DCC: variants seen among roughly 807,000 people sequenced by gnomAD.
The protein encoded by DCC is netrin receptor DCC.
DCC carries 58 observed loss-of-function variants against 172.5 expected under a neutral mutation model. That is an observed-to-expected ratio of 0.34 (90% CI 0.27 to 0.42). DCC has a LOEUF of 0.42. Among genes scored for constraint, DCC ranks in the 10% least tolerant of loss-of-function variants. The probability of loss-of-function intolerance (pLI) is 1.00; values close to 1 mark genes in which losing one functional copy is unlikely to be tolerated. For missense variants in DCC, 1,740 were observed against 1,791.0 expected (o/e 0.97, Z 0.51); for synonymous variants, 709 against 644.5 (o/e 1.10, Z -1.52).
At chr18:52,818,373 C>G (rs757881299) in intron 2 of DCC, among the ~76,000 whole-genome samples, 1 of 143,230 alleles carries the variant, frequency 7.0e-6, no homozygotes, top group Non-Finnish European at 1.5e-5. Context: ...GTCTGTGCCA[C>G]TGTACTCCAG....
intron 2 of DCC, among the ~76,000 whole-genome samples, chr18:52,900,498 T>C (rs1483374583): frequency 1.3e-5 from 2 of 152,192 alleles, no homozygotes; most frequent in Admixed American, 1.3e-4. Flanking sequence ...ATTAGAATTG[T>C]TGACATCAAT....
chr18:53,485,265 T>C (rs975132918), intron 25 of DCC, among the ~76,000 whole-genome samples: 9 of 152,084 alleles, frequency 5.9e-5, no homozygotes, highest in Admixed American at 2.0e-4. Flanking sequence ...CATAAACCTC[T>C]AATATACACA....
intron 1 of DCC, among the ~76,000 whole-genome samples, chr18:52,433,638 T>C (rs888545413): frequency 6.6e-6 from 1 of 152,190 alleles, no homozygotes; most frequent in Non-Finnish European, 1.5e-5. Flanking sequence ...TTGTAGTTGA[T>C]GAAAAAACAA....
intron 2 of DCC, among the ~76,000 whole-genome samples, chr18:52,847,950 A>G (rs1220451174): frequency 6.6e-6 from 1 of 152,186 alleles, no homozygotes; most frequent in Non-Finnish European, 1.5e-5. Flanking sequence ...AGTTGTATGA[A>G]TTGACATCAG....
At chr18:53,233,265 C>T (rs1413766567) in intron 12 of DCC, among the ~76,000 whole-genome samples, 2 of 152,180 alleles carry the variant, frequency 1.3e-5, no homozygotes, top group African/African-American at 4.8e-5. Context: ...ATCCAATTCA[C>T]CTGTAGTGTC....
intron 8 of DCC, among the ~76,000 whole-genome samples, chr18:53,166,472 A>T (rs912336457): frequency 1.3e-5 from 2 of 152,152 alleles, no homozygotes; most frequent in East Asian, 3.9e-4. Flanking sequence ...AGAAAACAGA[A>T]TGATAAAAGA....
At chr18:53,202,002 A>G (rs1400358009) in intron 9 of DCC, among the ~76,000 whole-genome samples, 2 of 152,202 alleles carry the variant, frequency 1.3e-5, no homozygotes, top group African/African-American at 4.8e-5. Flanking sequence ...CTGTCTGTGT[A>G]TATGTATATA....
intron 12 of DCC, among the ~76,000 whole-genome samples, chr18:53,278,993 T>C (rs989401001): frequency 2.0e-5 from 3 of 152,152 alleles, no homozygotes; most frequent in Non-Finnish European, 4.4e-5. Flanking sequence ...CCACACTGAC[T>C]TCCACAATGG....
intron 2 of DCC, among the ~76,000 whole-genome samples, chr18:52,758,358 A>G (rs2037108872): frequency 6.6e-6 from 1 of 152,232 alleles, no homozygotes; most frequent in Non-Finnish European, 1.5e-5. Flanking sequence ...ATAAAAGGCC[A>G]ACTAAATTGC....
chr18:53,309,166 C>T (rs1419633431), intron 13 of DCC, among the ~76,000 whole-genome samples: 1 of 152,140 alleles, frequency 6.6e-6, no homozygotes, highest in East Asian at 1.9e-4. Context: ...GCCTACGGAG[C>T]AGCTGGGACT....
intron 25 of DCC, among the ~76,000 whole-genome samples, chr18:53,468,411 C>A (rs959244330): frequency 7.0e-5 from 2 of 28,626 alleles, no homozygotes; most frequent in African/African-American, 1.7e-4. Flanking sequence ...GAGACAGAAT[C>A]TTGCTGTGTT....
chr18:52,742,827 C>A (rs536647884), intron 1 of DCC, among the ~76,000 whole-genome samples: 1 of 151,876 alleles, frequency 6.6e-6, no homozygotes, highest in Non-Finnish European at 1.5e-5. Flanking sequence ...TAAGAATGGG[C>A]GTAGAAGGAT....
intron 27 of DCC, among the ~76,000 whole-genome samples, chr18:53,523,786 T>C (rs941590267): frequency 6.6e-6 from 1 of 151,866 alleles, no homozygotes; most frequent in African/African-American, 2.4e-5. Context: ...AGGGATAGCA[T>C]TAGGACAACT....
chr18:53,066,353 G>GTATGTATATATATATATATATATA (rs1202896480), intron 7 of DCC, among the ~76,000 whole-genome samples, 187 bp downstream of exon 7: 3 of 94,608 alleles, frequency 3.2e-5, no homozygotes, highest in Non-Finnish European at 6.7e-5. Context: ...GTACATGTGT[G>GTATGTATATATATATATATATATA]TATATATATA....
intron 1 of DCC, among the ~76,000 whole-genome samples, chr18:52,713,617 T>C (rs1278901517): frequency 2.0e-5 from 3 of 152,140 alleles, no homozygotes; most frequent in Non-Finnish European, 2.9e-5. Context: ...CTTAATTGCA[T>C]CCGTGATTGA....
intron 21 of DCC, among the ~76,000 whole-genome samples, chr18:53,433,117 A>G (rs1021827378): frequency 1.3e-5 from 2 of 152,126 alleles, no homozygotes; most frequent in Admixed American, 1.3e-4. Context: ...CTGTGAGTAG[A>G]ATGTCCAAGC....
intron 7 of DCC, among the ~76,000 whole-genome samples, chr18:53,113,128 A>G (rs2043357952): frequency 6.6e-6 from 1 of 151,592 alleles, no homozygotes; most frequent in Non-Finnish European, 1.5e-5. Flanking sequence ...TGAATCCACC[A>G]AATAACACAT....
intron 5 of DCC, among the ~76,000 whole-genome samples, chr18:52,945,346 A>G (rs914678801): frequency 5.3e-5 from 8 of 152,194 alleles, no homozygotes; most frequent in African/African-American, 1.9e-4. Context: ...CAAATTTAAT[A>G]GTGAAAATAT....
intron 5 of DCC, among the ~76,000 whole-genome samples, chr18:53,003,327 C>G (rs2041595347): frequency 6.6e-6 from 1 of 152,146 alleles, no homozygotes; most frequent in African/African-American, 2.4e-5. Context: ...TAAGAGGTCC[C>G]TTCCTCTTGG....
Sources: allele counts gnomAD v4.1 joint callset (sites outside exome capture counted in the v4.1 genomes callset), GRCh38; gene constraint gnomAD v4.1.1; transcripts MANE v1.5; gene names NCBI Gene and HGNC (gene_info 2026-07-23, HGNC 2026-07-21).